GRM8: variants seen among roughly 807,000 people sequenced by gnomAD.
GRM8 encodes the protein metabotropic glutamate receptor 8.
Under a neutral mutation model 87.2 loss-of-function variants are expected in GRM8, and 47 were observed. The observed-to-expected ratio is 0.54, with a 90% CI of 0.43 to 0.69. The LOEUF is 0.69. GRM8 is among the 30% of genes least tolerant of loss of function. GRM8 has a pLI of 0.00. For synonymous variants in GRM8, 396 were observed against 404.5 expected, an observed-to-expected ratio of 0.98 and a Z score of 0.25; for missense variants, 1,019 against 1,139.2, an observed-to-expected ratio of 0.89 and a Z score of 1.52.
At chr7:126,899,233 C>T (rs989477629) in intron 6 of GRM8, among the ~76,000 whole-genome samples, 10 of 151,804 alleles carry the variant, frequency 6.6e-5, no homozygotes, top group Admixed American at 6.6e-4. Flanking sequence ...ATTCAGAACT[C>T]AAAGTTAAGC....
chr7:126,648,790 C>T (rs1355465342), intron 7 of GRM8, among the ~76,000 whole-genome samples: 1 of 133,180 alleles, frequency 7.5e-6, no homozygotes, highest in Non-Finnish European at 1.8e-5. Flanking sequence ...TGAACAAATG[C>T]TGAACGACAC....
chr7:126,524,385 A>C (rs1813509225), intron 9 of GRM8, among the ~76,000 whole-genome samples: 1 of 152,224 alleles, frequency 6.6e-6, no homozygotes, highest in Admixed American at 6.5e-5. Flanking sequence ...GACTTTGCTC[A>C]ATTCTGTTTA....
intron 3 of GRM8, among the ~76,000 whole-genome samples, chr7:126,973,395 T>C (rs1383186108): frequency 2.6e-5 from 4 of 152,210 alleles, no homozygotes; most frequent in Non-Finnish European, 5.9e-5. Context: ...GGTTACTTCA[T>C]GTCTCCAAGC....
intron 3 of GRM8, among the ~76,000 whole-genome samples, chr7:127,043,595 T>A (rs973268912): frequency 6.6e-6 from 1 of 152,028 alleles, no homozygotes; most frequent in Non-Finnish European, 1.5e-5. Flanking sequence ...AAGGGGAACA[T>A]CACACACGGG....
At chr7:126,800,886 G>GTAT (rs979167788) in intron 6 of GRM8, among the ~76,000 whole-genome samples, 1 of 152,008 alleles carries the variant, frequency 6.6e-6, no homozygotes, top group Non-Finnish European at 1.5e-5. Context: ...TTAAAGCCAT[G>GTAT]TATTATTAGT....
At chr7:126,985,591 G>C (rs923459336) in intron 3 of GRM8, among the ~76,000 whole-genome samples, 1 of 152,140 alleles carries the variant, frequency 6.6e-6, no homozygotes, top group Non-Finnish European at 1.5e-5. Context: ...AGTCTCCAAA[G>C]TCAAGGGACC....
At chr7:126,528,795 G>A (rs2299457) in intron 9 of GRM8, among the ~76,000 whole-genome samples, 55,680 of 151,760 alleles carry the variant, frequency 0.37, 10,347 homozygotes, top group Middle Eastern at 0.43. Context: ...TGTCCAGGGG[G>A]AACTCATTAC....
intron 7 of GRM8, among the ~76,000 whole-genome samples, chr7:126,742,975 C>T (rs953630555): frequency 5.3e-5 from 8 of 151,984 alleles, no homozygotes; most frequent in Non-Finnish European, 8.8e-5. Flanking sequence ...GAGGCTGACC[C>T]GCTGTCTGGC....
intron 7 of GRM8, among the ~76,000 whole-genome samples, chr7:126,614,703 T>A (rs1007737684): frequency 1.3e-5 from 2 of 152,146 alleles, no homozygotes; most frequent in African/African-American, 4.8e-5. Context: ...CTGAAAACTA[T>A]GGCACGAGAA....
intron 7 of GRM8, among the ~76,000 whole-genome samples, chr7:126,762,251 C>A (rs1278233913): frequency 1.3e-5 from 2 of 150,044 alleles, no homozygotes; most frequent in Non-Finnish European, 3.0e-5. Flanking sequence ...TTTTTTTTTT[C>A]TTGTAAAGAA....
intron 3 of GRM8, among the ~76,000 whole-genome samples, chr7:127,015,951 A>T (rs1401082598): frequency 6.6e-6 from 1 of 152,118 alleles, no homozygotes; most frequent in African/African-American, 2.4e-5. Flanking sequence ...AGAGAATGAG[A>T]TCCAAAGAAA....
chr7:126,575,234 T>C (rs1171566872), intron 8 of GRM8, among the ~76,000 whole-genome samples: 1 of 150,598 alleles, frequency 6.6e-6, no homozygotes, highest in African/African-American at 2.4e-5. Context: ...AGCCCTATTG[T>C]GAACTGAGCA....
At chr7:126,800,115 GT>G (rs539773887) in intron 6 of GRM8, among the ~76,000 whole-genome samples, 1 of 151,932 alleles carries the variant, frequency 6.6e-6, no homozygotes, top group Non-Finnish European at 1.5e-5. Flanking sequence ...TAACTTTCAA[GT>G]TTTTTTTAAA....
At chr7:126,991,244 G>T (rs1554557692) in intron 3 of GRM8, among the ~76,000 whole-genome samples, 1 of 151,876 alleles carries the variant, frequency 6.6e-6, no homozygotes, top group Non-Finnish European at 1.5e-5. Flanking sequence ...TTATTTTCAG[G>T]ACATTCAATC....
At chr7:127,141,680 A>T (rs1355414173) in intron 2 of GRM8, among the ~76,000 whole-genome samples, 4 of 152,166 alleles carry the variant, frequency 2.6e-5, no homozygotes, top group African/African-American at 9.7e-5. Context: ...AAATAAAAAT[A>T]AAAAGAATGT....
At chr7:126,885,629 T>C (rs940410727) in intron 6 of GRM8, among the ~76,000 whole-genome samples, 10 of 152,152 alleles carry the variant, frequency 6.6e-5, no homozygotes, top group Middle Eastern at 3.2e-3. Context: ...GCATGAGATG[T>C]TTACACCTAA....
chr7:126,834,984 G>A (rs1011029942), intron 6 of GRM8, among the ~76,000 whole-genome samples: 6 of 151,632 alleles, frequency 4.0e-5, no homozygotes, highest in African/African-American at 1.5e-4. Flanking sequence ...GCTGAGGTGG[G>A]AGGATTGCTT....
At position 126,533,279 on chromosome 7, in the gene GRM8, G is replaced by A; in HGVS notation, c.2103C>T (p.Ser701=). Residue 701 remains serine, a synonymous_variant, in exon 9 of 11, where the codon AGC becomes AGT. Coordinates refer to ENST00000339582, the MANE Select transcript of GRM8 (RefSeq NM_000845.3). Reference sequence around the variant, plus strand: ...CTCCAAGGAGCTGGACGGAGATGAGGCTGAAGGTGATCACCAGCTGAGATG... The same window carrying A: ...CTCCAAGGAGCTGGACGGAGATGAGACTGAAGGTGATCACCAGCTGAGATG... ...SPASQLVITF[S]LISVQLLGVF... 1 of 1,613,766 alleles carries A rather than the reference G, an allele frequency of 6.2e-7. No individual in the cohort carries two copies. The highest frequency in any genetic ancestry group is 1.6e-4 in the Middle Eastern group (1 of 6,062).
chr7:126,486,646 T>G (rs1807406492), intron 9 of GRM8, among the ~76,000 whole-genome samples: 1 of 152,144 alleles, frequency 6.6e-6, no homozygotes, highest in South Asian at 2.1e-4. Flanking sequence ...ACCTCAGTGC[T>G]TTGTTTTTTG....
Sources: gnomAD v4.1 joint callset for allele counts (sites outside exome capture counted in the v4.1 genomes callset) on GRCh38, gnomAD v4.1.1 for gene constraint, MANE v1.5 for transcripts, NCBI Gene and HGNC (gene_info 2026-07-23, HGNC 2026-07-21) for gene names.